PAX8: variants seen among roughly 807,000 people sequenced by gnomAD.
PAX8 encodes the protein paired box 8.
In PAX8, 15 loss-of-function variants were observed where a neutral mutation model predicts 52.4. The observed-to-expected ratio is 0.29, with a 90% CI of 0.19 to 0.44. The LOEUF (loss-of-function observed/expected upper bound fraction) is 0.44. Ranked by LOEUF, PAX8 falls within the 20% of genes least tolerant of loss-of-function variation. PAX8 has a pLI of 1.00. For missense variants in PAX8, 554 were observed against 602.5 expected (o/e 0.92, Z 0.84); for synonymous variants, 284 against 249.7 (o/e 1.14, Z -1.29).
chr2:113,262,616 CA>C (rs1692770804), intron 2 of PAX8, among the ~76,000 whole-genome samples: 1 of 152,196 alleles, frequency 6.6e-6, no homozygotes, highest in African/African-American at 2.4e-5. Flanking sequence ...ACCTTGGAAA[CA>C]AGGTCTTTGC....
At chr2:113,236,396 G>A in intron 8 of PAX8, 1 of 446,876 alleles carries the variant, frequency 2.2e-6, no homozygotes, top group South Asian at 3.6e-5. Context: ...CTTGAGGCCC[G>A]GCCTAGGACT....
chr2:113,277,156 G>A (rs1900216), intron 2 of PAX8, among the ~76,000 whole-genome samples: 29,058 of 152,150 alleles, frequency 0.19, 3,407 homozygotes, highest in Non-Finnish European at 0.27. Flanking sequence ...CGCGCCTTCT[G>A]GGGGCAGCCG....
rs118157506 is a variant in PAX8, at chr2:113,257,634, G to T, written c.26-10715C>A. Among the ~76,000 whole-genome samples the T allele has an allele frequency of 2.9e-4, 44 of 152,276 alleles. 2 individuals are homozygous for T. In the East Asian group the frequency reaches 8.5e-3, roughly 29 times the overall value. On this transcript the variant is annotated intron_variant, in intron 2 of 11. Transcript: ENST00000429538. The stretch of plus-strand genomic sequence containing the variant: ...AGGATGGATAAAGAGGTTTCCCTTG[G>T]ATTAGACTCTGTCTGGGAGAGAATC...
chr2:113,238,365 T>C (rs3762498), intron 7 of PAX8: 16,489 of 152,544 alleles, frequency 0.11, 1,183 homozygotes, highest in African/African-American at 0.2. Flanking sequence ...CCGTTGCACC[T>C]GGCCAGGGTG....
intron 4 of PAX8, among the ~76,000 whole-genome samples, chr2:113,243,953 T>G (rs1168373708): frequency 6.6e-6 from 1 of 152,254 alleles, no homozygotes; most frequent in Non-Finnish European, 1.5e-5. Context: ...AAAGATGGGC[T>G]TTGTGTGTCC....
intron 2 of PAX8, among the ~76,000 whole-genome samples, chr2:113,251,546 A>G (rs1691765809): frequency 5.3e-5 from 8 of 152,194 alleles, no homozygotes. Flanking sequence ...CAGACGGGAA[A>G]TGCAAGCTTT....
chr2:113,240,058 G>A (rs923808749), intron 7 of PAX8: 3 of 152,276 alleles, frequency 2.0e-5, no homozygotes, highest in African/African-American at 7.2e-5. Context: ...CTGGGACTCA[G>A]CGGGTGTCCA....
intron 2 of PAX8, among the ~76,000 whole-genome samples, chr2:113,256,422 G>C (rs1692250165): frequency 6.6e-6 from 1 of 152,198 alleles, no homozygotes; most frequent in Admixed American, 6.5e-5. Flanking sequence ...GGAGAGCTGA[G>C]AGCTGGAATC....
Position 113,216,005 on chromosome 2 carries a change from G to A in PAX8, c.*2528C>T, listed in dbSNP as rs1301840756. 5 of 209,750 alleles carry A rather than the reference G, an allele frequency of 2.4e-5. No individual in the cohort carries two copies. The East Asian group carries it at 3.6e-4, about 15-fold the overall frequency. The allele number at this position is 209,750 out of a possible 1,614,324, so 13.0% of individuals were successfully genotyped here. On this transcript the variant is annotated 3_prime_UTR_variant, in exon 12 of 12. Coordinates refer to ENST00000429538, the MANE Select transcript of PAX8 (RefSeq NM_003466.4). ...CGAGTTTTAAACCATGGTCACCTTA[G>A]TCAAAGCACAGCCCAAGCCCCTTTA... is the stretch of plus-strand genomic sequence containing the variant.
At chr2:113,230,600 T>C (rs573279997) in intron 9 of PAX8, 1 of 152,352 alleles carries the variant, frequency 6.6e-6, no homozygotes, top group African/African-American at 2.4e-5. Flanking sequence ...TGAAAGCTGG[T>C]CTTCCTGGAA....
At chr2:113,231,181 A>G (rs1273504247) in intron 9 of PAX8, among the ~76,000 whole-genome samples, 3 of 152,234 alleles carry the variant, frequency 2.0e-5, no homozygotes, top group African/African-American at 7.2e-5. Flanking sequence ...CAACTCAGAA[A>G]TCTCTTTGGC....
chr2:113,219,783 A>T (rs1213162588), intron 11 of PAX8, among the ~76,000 whole-genome samples: 1 of 152,136 alleles, frequency 6.6e-6, no homozygotes, highest in Non-Finnish European at 1.5e-5. Context: ...GCTTTTCTCA[A>T]GTCCTCCCTT....
chr2:113,222,208 C>A (rs1689312795), intron 10 of PAX8, among the ~76,000 whole-genome samples: 1 of 152,166 alleles, frequency 6.6e-6, no homozygotes, highest in South Asian at 2.1e-4. Context: ...TAACTCAGGT[C>A]TCCCGGGTTT....
intron 2 of PAX8, among the ~76,000 whole-genome samples, chr2:113,277,375 C>T (rs13015130): frequency 0.17 from 25,219 of 152,318 alleles, 2,440 homozygotes; most frequent in Non-Finnish European, 0.22. Context: ...CTCAGCCTCG[C>T]TGCGCGCCCG....
At chr2:113,222,958 C>G (rs1689350572) in intron 10 of PAX8, among the ~76,000 whole-genome samples, 1 of 151,988 alleles carries the variant, frequency 6.6e-6, no homozygotes, top group Non-Finnish European at 1.5e-5. Context: ...ACTCATTCTC[C>G]TTGCTGTTCC....
At chr2:113,226,899 C>T in intron 10 of PAX8, 2 of 1,382,680 alleles carry the variant, frequency 1.4e-6, no homozygotes, top group South Asian at 2.8e-5. Context: ...CTCAGCCCCT[C>T]CCTTTTCATC....
At chr2:113,234,492 G>T (rs956188730) in intron 9 of PAX8, among the ~76,000 whole-genome samples, 1 of 152,192 alleles carries the variant, frequency 6.6e-6, no homozygotes, top group Non-Finnish European at 1.5e-5. Flanking sequence ...GCTCCCTCAG[G>T]TGCTTCCAGA....
intron 7 of PAX8, 152 bp from the exon 8 acceptor site, chr2:113,236,873 C>G (rs557926582): frequency 2.3e-6 from 2 of 877,332 alleles, no homozygotes; most frequent in Admixed American, 2.9e-5. Flanking sequence ...CAACTCCACT[C>G]GGCACGTTTC....
chr2:113,235,538 A>G lies in PAX8; in HGVS notation c.943T>C (p.Ser315Pro). 2.5e-6 allele frequency: 4 copies of G among 1,613,826 alleles called. No individual in the cohort carries two copies. The highest frequency in any genetic ancestry group is 3.4e-6 in the Non-Finnish European group (4 of 1,179,812). ...GAGGAAGGGGTGGAGCTAGAACTGG[A>G]CACCTCGGGGGTTTCCTGCTTTATG... is the stretch of plus-strand genomic sequence containing the variant. ...FAIKQETPEV[S>P]SSSSTPSSLS... is the part of the protein sequence containing the mutation. Residue 315 changes from serine (S) to proline (P), a missense_variant, in exon 9 of 12, where the codon TCC becomes CCC. Transcript: ENST00000429538.
Sources: gnomAD v4.1 joint callset for allele counts (sites outside exome capture counted in the v4.1 genomes callset) on GRCh38, gnomAD v4.1.1 for gene constraint, MANE v1.5 for transcripts, NCBI Gene and HGNC (gene_info 2026-07-23, HGNC 2026-07-21) for gene names.